FA2H: variants seen among roughly 807,000 people sequenced by gnomAD.
FA2H encodes fatty acid 2-hydroxylase.
In FA2H, 22 loss-of-function variants were observed where a neutral mutation model predicts 44.9. The ratio of observed to expected loss-of-function variants is 0.49; its 90% CI spans 0.35 to 0.70. The LOEUF (loss-of-function observed/expected upper bound fraction) is 0.70. Ranked by LOEUF, FA2H falls within the 30% of genes least tolerant of loss-of-function variation. The probability of loss-of-function intolerance (pLI) is 0.01; values close to 1 mark genes in which losing one functional copy is unlikely to be tolerated. For missense variants in FA2H, 501 were observed against 504.9 expected (o/e 0.99, Z 0.07); for synonymous variants, 243 against 213.2 (o/e 1.14, Z -1.22).
chr16:74,731,439 C>A (rs532832053), intron 2 of FA2H, among the ~76,000 whole-genome samples: 1 of 152,128 alleles, frequency 6.6e-6, no homozygotes, highest in African/African-American at 2.4e-5. Flanking sequence ...CCACCACACC[C>A]GGCCATCTCT....
intron 4 of FA2H, among the ~76,000 whole-genome samples, chr16:74,721,236 C>G (rs908593888): frequency 6.6e-6 from 1 of 152,006 alleles, no homozygotes. Flanking sequence ...GGGACGATCT[C>G]GGCTCACTGC....
intron 1 of FA2H, among the ~76,000 whole-genome samples, chr16:74,771,454 C>A (rs914216912): frequency 4.0e-5 from 6 of 151,858 alleles, no homozygotes; most frequent in East Asian, 3.9e-4. Context: ...GCCTCCCAAG[C>A]AGCTGGGAGG....
chr16:74,741,110 C>T (rs1407326421), intron 1 of FA2H: 4 of 152,262 alleles, frequency 2.6e-5, no homozygotes, highest in South Asian at 2.1e-4. Flanking sequence ...CCAGCTCTGA[C>T]GTCACGGAGG....
Position 74,738,833 on chromosome 16 carries a change from G to A in FA2H, c.363+1190C>T, listed in dbSNP as rs1406485423. 2.0e-5 allele frequency among the ~76,000 whole-genome samples: 3 copies of A among 152,226 alleles called. No homozygotes were observed. The East Asian group carries it at 5.8e-4, about 29-fold the overall frequency. ...AGGTTCGGAAACCAGGTCCCAGCTC[G>A]CCGGCTGCATGGCCGGGCAGCCTTT... On this transcript the variant is annotated intron_variant, in intron 2 of 6. Transcript: ENST00000219368.
At chr16:74,753,138 C>T (rs1167905513) in intron 1 of FA2H, among the ~76,000 whole-genome samples, 4 of 152,208 alleles carry the variant, frequency 2.6e-5, no homozygotes, top group Admixed American at 2.0e-4. Context: ...CTCACTGTAG[C>T]CACACAGAAT....
intron 2 of FA2H, among the ~76,000 whole-genome samples, chr16:74,736,794 C>G (rs1226769132): frequency 6.6e-6 from 1 of 152,132 alleles, no homozygotes; most frequent in Admixed American, 6.5e-5. Flanking sequence ...TCCTACTCAC[C>G]GGCCTCAGGG....
At chr16:74,748,366 T>A (rs1365056927) in intron 1 of FA2H, among the ~76,000 whole-genome samples, 2 of 152,158 alleles carry the variant, frequency 1.3e-5, no homozygotes, top group Non-Finnish European at 2.9e-5. Flanking sequence ...GAGGCGCACA[T>A]GTGGCGGCGT....
At chr16:74,769,582 C>T (rs1962867962) in intron 1 of FA2H, among the ~76,000 whole-genome samples, 2 of 152,154 alleles carry the variant, frequency 1.3e-5, no homozygotes, top group Non-Finnish European at 2.9e-5. Context: ...GAGTATAGTA[C>T]ACCAAACTGG....
At chr16:74,773,392 C>T (rs1391692470) in intron 1 of FA2H, among the ~76,000 whole-genome samples, 4 of 152,052 alleles carry the variant, frequency 2.6e-5, no homozygotes, top group Non-Finnish European at 4.4e-5. Flanking sequence ...ATATAGGATT[C>T]GGTACTATCT....
chr16:74,716,580 C>A lies in FA2H; in HGVS notation c.806G>T (p.Arg269Leu). 1 of 1,574,254 alleles carries A rather than the reference C, an allele frequency of 6.4e-7. No individual in the cohort carries two copies. The highest frequency in any genetic ancestry group is 2.3e-5 in the East Asian group (1 of 42,694). ...GGCTGGCACAGGGGGGAAGACCAGGCGGGAGCCGTCGAAGGGTGCCTGCAG... is the reference window on the plus strand; with the variant it reads ...GGCTGGCACAGGGGGGAAGACCAGGAGGGAGCCGTCGAAGGGTGCCTGCAG... ...QHHKAPFDGSRLVFPPVPASL... is the reference protein window; with the variant it reads ...QHHKAPFDGSLLVFPPVPASL... The change falls in exon 6 of 7, where the codon CGC (arginine) becomes CTC (leucine). Residue 269 changes from arginine (R) to leucine (L), a missense_variant. By Grantham distance (102) the Arg-to-Leu change is moderately radical. Transcript: ENST00000219368.
intron 1 of FA2H, among the ~76,000 whole-genome samples, chr16:74,767,038 T>C (rs1344108841): frequency 1.3e-5 from 2 of 151,216 alleles, no homozygotes; most frequent in Admixed American, 1.3e-4. Context: ...TGGCCGGGCA[T>C]GGTGGCTCAC....
intron 1 of FA2H, among the ~76,000 whole-genome samples, chr16:74,769,656 C>T (rs557845544): frequency 6.6e-6 from 1 of 152,148 alleles, no homozygotes; most frequent in African/African-American, 2.4e-5. Flanking sequence ...AGTAATATAG[C>T]CTGGGAAGGA....
chr16:74,736,693 AG>A (rs1162272394), intron 2 of FA2H, among the ~76,000 whole-genome samples: 14 of 152,196 alleles, frequency 9.2e-5, no homozygotes, highest in African/African-American at 3.4e-4. Flanking sequence ...CATCTGGCTT[AG>A]CCTGAGGAAG....
At chr16:74,774,076 A>G (rs1300564154) in intron 1 of FA2H, among the ~76,000 whole-genome samples, 2 of 152,144 alleles carry the variant, frequency 1.3e-5, no homozygotes, top group African/African-American at 4.8e-5. Context: ...CCCATTATCC[A>G]AACAGAAACG....
intron 1 of FA2H, among the ~76,000 whole-genome samples, chr16:74,755,878 T>TAA (rs35281734): frequency 5.3e-5 from 8 of 151,530 alleles, no homozygotes; most frequent in East Asian, 3.9e-4. Context: ...TTCATATAGT[T>TAA]AAAAAAAAAT....
chr16:74,725,570 T>C (rs752640445), intron 4 of FA2H, among the ~76,000 whole-genome samples: 9 of 152,250 alleles, frequency 5.9e-5, no homozygotes, highest in Non-Finnish European at 5.9e-5. Context: ...GCCTTTCAGC[T>C]ACTCCCTTGA....
At chr16:74,740,597 C>T (rs893122896) in intron 1 of FA2H, among the ~76,000 whole-genome samples, 13 of 148,116 alleles carry the variant, frequency 8.8e-5, no homozygotes, top group Admixed American at 2.7e-4. Context: ...CCAGCCTGGA[C>T]GACAGAGCAA....
intron 2 of FA2H, among the ~76,000 whole-genome samples, chr16:74,735,332 C>T (rs542841696): frequency 6.6e-6 from 1 of 152,236 alleles, no homozygotes; most frequent in East Asian, 1.9e-4. Context: ...GCCCGTCCTG[C>T]GCGGTCTAAC....
chr16:74,714,108 TC>T lies in FA2H; in HGVS notation c.*81del. 1 of 887,446 alleles carries T rather than the reference TC, an allele frequency of 1.1e-6. No individual in the cohort carries two copies. Among genetic ancestry groups the T allele is most frequent in the Non-Finnish European group, 1.8e-6 (1 of 551,066 alleles). The allele number at this position is 887,446 out of a possible 1,614,324, so 55.0% of individuals were successfully genotyped here. A position where few individuals can be genotyped will look rare whatever the true frequency, so the allele number is the denominator to read the frequency against. On this transcript the variant is annotated 3_prime_UTR_variant, in exon 7 of 7. Transcript: ENST00000219368. ...CCATCCTGCCTGGCCAAGCCAACCT[TC>T]TTAATGGGGTCTGAATGGCGGGTGG...
Sources: gnomAD v4.1 joint callset for allele counts (sites outside exome capture counted in the v4.1 genomes callset) on GRCh38, gnomAD v4.1.1 for gene constraint, MANE v1.5 for transcripts, NCBI Gene and HGNC (gene_info 2026-07-23, HGNC 2026-07-21) for gene names.